The following PCDHGA4 variants were observed in gnomAD, a reference collection of about 807,000 sequenced individuals.
PCDHGA4 encodes the protein protocadherin gamma subfamily A, 4.
Under a neutral mutation model 54.6 loss-of-function variants are expected in PCDHGA4, and 38 were observed. The ratio of observed to expected loss-of-function variants is 0.70; its 90% CI spans 0.54 to 0.91. The LOEUF (loss-of-function observed/expected upper bound fraction) is 0.91. PCDHGA4 is among the 40% of genes least tolerant of loss of function. The pLI is 0.00. For synonymous variants in PCDHGA4, 511 were observed against 512.9 expected, an observed-to-expected ratio of 1.00 and a Z score of 0.05; for missense variants, 1,298 against 1,220.9, an observed-to-expected ratio of 1.06 and a Z score of -0.94.
Position 141,432,147 on chromosome 5 carries a change from A to G in PCDHGA4, c.2515-62660A>G. 6.2e-7 allele frequency: 1 copy of G among 1,614,066 alleles called. No individual in the cohort carries two copies. The highest frequency in any genetic ancestry group is 8.5e-7 in the Non-Finnish European group (1 of 1,179,998). ...GCCTCCTATTCCGCTTATATCCCAG[A>G]GAACAATCCCAGAGGAGTTTCCCTC... On this transcript the variant is annotated intron_variant, in intron 1 of 3. Transcript: ENST00000571252. The surrounding 1 kb of genome is among the most constrained non-coding windows in gnomAD (Gnocchi z 6.0).
At chr5:141,409,461 T>C in intron 1 of PCDHGA4, 1 of 1,613,928 alleles carries the variant, frequency 6.2e-7, no homozygotes, top group Non-Finnish European at 8.5e-7. Flanking sequence ...GAATACAATG[T>C]CACCATCGTA....
intron 1 of PCDHGA4, chr5:141,419,506 C>A (rs527369615): frequency 6.2e-6 from 10 of 1,612,352 alleles, no homozygotes; most frequent in Middle Eastern, 1.7e-4. Context: ...TGAGCCTGCG[C>A]GTGTTGGTGG....
At chr5:141,360,525 C>T in intron 1 of PCDHGA4, 1 of 1,613,772 alleles carries the variant, frequency 6.2e-7, no homozygotes, top group African/African-American at 1.3e-5. Flanking sequence ...ATGATAATAC[C>T]CCGCTATTCA....
intron 3 of PCDHGA4, among the ~76,000 whole-genome samples, chr5:141,509,815 TCTC>T (rs1596250992): frequency 6.6e-6 from 1 of 152,226 alleles, no homozygotes; most frequent in East Asian, 1.9e-4. Flanking sequence ...GCCGAGCTCT[TCTC>T]CATCTTCTCT....
intron 1 of PCDHGA4, among the ~76,000 whole-genome samples, chr5:141,455,133 CTG>C (rs2098814252): frequency 6.6e-6 from 1 of 151,392 alleles, no homozygotes; most frequent in African/African-American, 2.4e-5. Flanking sequence ...TTAAATTACA[CTG>C]TGTTAAATAA....
chr5:141,463,359 T>C (rs2099057442), intron 1 of PCDHGA4, among the ~76,000 whole-genome samples: 2 of 151,672 alleles, frequency 1.3e-5, no homozygotes, highest in Admixed American at 6.6e-5. Flanking sequence ...GGATTTCCCC[T>C]TTCCTGCCCC....
intron 1 of PCDHGA4, chr5:141,392,124 A>G (rs1448052063): frequency 1.3e-5 from 2 of 152,226 alleles, no homozygotes; most frequent in Admixed American, 1.3e-4. Flanking sequence ...GAAAGCTTGT[A>G]AAATGATTAA....
intron 1 of PCDHGA4, chr5:141,409,042 C>A: frequency 5.0e-6 from 8 of 1,614,034 alleles, no homozygotes; most frequent in Middle Eastern, 1.6e-4. Context: ...TAAACTACTA[C>A]TTCCGAAGCA....
At position 141,505,406 on chromosome 5, in the gene PCDHGA4, G is replaced by A. The variant is rs546453598; in HGVS notation, c.2587G>A (p.Asp863Asn). 61 of 1,614,174 alleles carry A rather than the reference G, an allele frequency of 3.8e-5. No individual in the cohort carries two copies. The highest frequency in any genetic ancestry group is 1.1e-4 in the East Asian group (5 of 44,866). ...RPGTSGSQNG[D>N]DTGTWPNNQF... Reference sequence around the variant, plus strand: ...CTCTCTCCCCAGCTCCCAAAATGGCGATGACACCGGCACCTGGCCCAACAA... The same window carrying A: ...CTCTCTCCCCAGCTCCCAAAATGGCAATGACACCGGCACCTGGCCCAACAA... Residue 863 changes from aspartate to asparagine, a missense_variant, in exon 3 of 4, where the codon GAT (aspartate) becomes AAT (asparagine). Transcript: ENST00000571252.
At position 141,404,170 on chromosome 5, in the gene PCDHGA4, G is replaced by C. The variant is rs73279089; in HGVS notation, c.2514+46549G>C. Reference sequence around the variant, plus strand: ...AAGAAGATTATTACAGATTGTTGACGGCCCAAATTCTTGACCGAGAAAAAG... The same window carrying C: ...AAGAAGATTATTACAGATTGTTGACCGCCCAAATTCTTGACCGAGAAAAAG... On this transcript the variant is annotated intron_variant, in intron 1 of 3. Coordinates refer to ENST00000571252, the MANE Select transcript of PCDHGA4 (RefSeq NM_018917.4). The C allele has an allele frequency of 1.5e-3, 2,365 of 1,612,738 alleles. 32 individuals are homozygous for C. In the African/African-American group the frequency reaches 0.028, roughly 19 times the overall value.
intron 1 of PCDHGA4, chr5:141,378,905 C>T (rs1043140389): frequency 1.3e-5 from 2 of 152,088 alleles, no homozygotes; most frequent in African/African-American, 4.8e-5. Context: ...ATTCTGTTAT[C>T]GACAGTCTTC....
chr5:141,432,035 G>C lies in PCDHGA4; in HGVS notation c.2515-62772G>C. 6 of 1,614,218 alleles carry C rather than the reference G, an allele frequency of 3.7e-6. No homozygotes were observed. Among genetic ancestry groups the C allele is most frequent in the Non-Finnish European group, 5.1e-6 (6 of 1,180,046 alleles). ...CTACAACATCACAGTGACCGCCACT[G>C]ACCGGGGAACCCCGCCCCTATCCAC... On this transcript the variant is annotated intron_variant, in intron 1 of 3. Coordinates refer to ENST00000571252, the MANE Select transcript of PCDHGA4 (RefSeq NM_018917.4). The surrounding 1 kb of genome is among the most constrained non-coding windows in gnomAD (Gnocchi z 6.0).
chr5:141,375,624 T>G, intron 1 of PCDHGA4: 5 of 1,614,224 alleles, frequency 3.1e-6, no homozygotes, highest in Non-Finnish European at 3.4e-6. Flanking sequence ...ACTGGGATTC[T>G]GTACGCCCTG....
At chr5:141,425,686 A>C (rs1026122573) in intron 1 of PCDHGA4, among the ~76,000 whole-genome samples, 4 of 152,252 alleles carry the variant, frequency 2.6e-5, no homozygotes, top group Non-Finnish European at 5.9e-5. Context: ...AATACTGCAT[A>C]TCATTTCATA....
chr5:141,399,682 G>A (rs778817737), intron 1 of PCDHGA4: 14 of 1,613,512 alleles, frequency 8.7e-6, no homozygotes, highest in Non-Finnish European at 1.2e-5. Flanking sequence ...CTTTGACTAC[G>A]AGCAGCTGCG....
At chr5:141,484,404 G>C (rs1333849091) in intron 1 of PCDHGA4, among the ~76,000 whole-genome samples, 3 of 152,174 alleles carry the variant, frequency 2.0e-5, no homozygotes, top group Non-Finnish European at 4.4e-5. Flanking sequence ...GGTTTCCGCT[G>C]TGTCTCCTGT....
intron 1 of PCDHGA4, chr5:141,398,587 C>G: frequency 6.2e-7 from 1 of 1,613,860 alleles, no homozygotes; most frequent in Non-Finnish European, 8.5e-7. Context: ...AAGATTTATA[C>G]TAGAAGTAGC....
In PCDHGA4 at chr5:141,477,157, CA is replaced by C. The variant is rs1240879989; in HGVS notation, c.2515-17648del. 2.5e-6 allele frequency: 4 copies of C among 1,614,064 alleles called. No homozygotes were observed. Among genetic ancestry groups the C allele is most frequent in the Non-Finnish European group, 3.4e-6 (4 of 1,180,046 alleles). ...TGGTGGAGGTTGTGGATGTGAATGACAACGCCCCGGAGATCACAGTCACCTC... is the reference window on the plus strand; with the variant it reads ...TGGTGGAGGTTGTGGATGTGAATGACACGCCCCGGAGATCACAGTCACCTC... On this transcript the variant is annotated intron_variant, in intron 1 of 3. Coordinates refer to ENST00000571252, the MANE Select transcript of PCDHGA4 (RefSeq NM_018917.4). This position sits in a 1 kb window ranked among gnomAD's most constrained non-coding sequence, Gnocchi z 4.9.
chr5:141,362,748 A>C lies in PCDHGA4; in HGVS notation c.2514+5127A>C, dbSNP rs146059189. 1,393 of 693,104 alleles carry C rather than the reference A, an allele frequency of 2.0e-3. 24 individuals carry two copies. In the East Asian group the frequency reaches 0.035, roughly 17 times the overall value. The allele number at this position is 693,104 out of a possible 1,614,324, so 42.9% of individuals were successfully genotyped here. A position where few individuals can be genotyped will look rare whatever the true frequency, so the allele number is the denominator to read the frequency against. On this transcript the variant is annotated intron_variant, in intron 1 of 3. Coordinates refer to ENST00000571252, the MANE Select transcript of PCDHGA4 (RefSeq NM_018917.4). ...GTGAGATTTATTTACCCATGATTGC[A>C]AACCTTTATCACATGAGATATTGCA...
Sources: allele counts gnomAD v4.1 joint callset (sites outside exome capture counted in the v4.1 genomes callset), GRCh38; gene constraint gnomAD v4.1.1; non-coding constraint Gnocchi (gnomAD v3.1); transcripts MANE v1.5; gene names NCBI Gene and HGNC (gene_info 2026-07-23, HGNC 2026-07-21).